The following NLRP9 variants were observed in gnomAD, a reference collection of about 807,000 sequenced individuals.
NLRP9 encodes NLR family pyrin domain containing 9.
Under a neutral mutation model 83.1 loss-of-function variants are expected in NLRP9, and 88 were observed. That is an observed-to-expected ratio of 1.06 (90% CI 0.89 to 1.26). NLRP9 has a LOEUF of 1.26. Among genes scored for constraint, NLRP9 ranks in the 50% most tolerant of loss-of-function variants. The pLI, the probability that NLRP9 is intolerant of heterozygous loss-of-function variation, is 0.00. For synonymous variants in NLRP9, 521 were observed against 447.6 expected, an observed-to-expected ratio of 1.16 and a Z score of -2.07; for missense variants, 1,308 against 1,179.3, an observed-to-expected ratio of 1.11 and a Z score of -1.60.
intron 2 of NLRP9, among the ~76,000 whole-genome samples, chr19:55,731,084 C>A (rs1368615598): frequency 6.6e-6 from 1 of 152,056 alleles, no homozygotes; most frequent in Admixed American, 6.6e-5. Context: ...GTTCTGTGAA[C>A]AAGGGTTATT....
intron 3 of NLRP9, among the ~76,000 whole-genome samples, chr19:55,725,340 A>C (rs576380636): frequency 1.3e-5 from 2 of 152,310 alleles, no homozygotes; most frequent in African/African-American, 4.8e-5. Context: ...ACGTAAGAAT[A>C]AATACATGAC....
intron 3 of NLRP9, among the ~76,000 whole-genome samples, chr19:55,727,047 G>A (rs768333699): frequency 1.3e-5 from 2 of 152,154 alleles, no homozygotes; most frequent in Non-Finnish European, 2.9e-5. Context: ...GAGGTCAGGA[G>A]TTTGAGACCA....
chr19:55,716,580 A>C, intron 5 of NLRP9, 148 bp downstream of exon 5: 1 of 636,220 alleles, frequency 1.6e-6, no homozygotes, highest in East Asian at 2.7e-5. Flanking sequence ...ACTGATGAGC[A>C]ACTGAGGCGT....
intron 1 of NLRP9, among the ~76,000 whole-genome samples, chr19:55,735,525 G>A (rs1415574666): frequency 6.6e-6 from 1 of 152,050 alleles, no homozygotes; most frequent in African/African-American, 2.4e-5. Context: ...CTTGATCTGT[G>A]TCTGTATTAC....
At chr19:55,736,853 A>T (rs76332734) in intron 1 of NLRP9, among the ~76,000 whole-genome samples, 12 of 42,338 alleles carry the variant, frequency 2.8e-4, no homozygotes, top group African/African-American at 2.3e-3. Flanking sequence ...AAACAAAAAC[A>T]AAAAAAAAAA....
intron 3 of NLRP9, among the ~76,000 whole-genome samples, chr19:55,728,095 G>T (rs1351981895): frequency 6.6e-6 from 1 of 152,160 alleles, no homozygotes; most frequent in African/African-American, 2.4e-5. Context: ...GCTCATTAAG[G>T]ATTCAATGTC....
At chr19:55,726,203 A>G (rs920398964) in intron 3 of NLRP9, among the ~76,000 whole-genome samples, 8 of 152,172 alleles carry the variant, frequency 5.3e-5, no homozygotes, top group African/African-American at 1.9e-4. Flanking sequence ...GTCAGCCAGC[A>G]GCAAACAATC....
At chr19:55,711,466 G>A in intron 8 of NLRP9, 1 of 1,315,912 alleles carries the variant, frequency 7.6e-7, no homozygotes, top group Non-Finnish European at 9.9e-7. Flanking sequence ...GCATATTTAT[G>A]GGCAACGTAA....
intron 4 of NLRP9, among the ~76,000 whole-genome samples, chr19:55,719,400 G>T (rs992061579): frequency 6.6e-6 from 1 of 152,124 alleles, no homozygotes. Context: ...TGATCTGCCC[G>T]CCTCGGCCTC....
rs148511077 is a variant in NLRP9 at position 55,711,948 on chromosome 19, G to A, written c.2695C>T (p.Arg899Cys). 17,130 of 1,613,006 alleles carry A rather than the reference G, an allele frequency of 0.011. 119 individuals are homozygous for A. Among genetic ancestry groups the A allele is most frequent in the Non-Finnish European group, 0.013 (15,398 of 1,179,906 alleles). The change falls in exon 8 of 9, where the codon CGT becomes TGT. Residue 899 changes from arginine to cysteine, a missense_variant. Arg to Cys is a radical substitution (Grantham distance 180, BLOSUM62 -3). Coordinates refer to ENST00000332836, the MANE Select transcript of NLRP9 (RefSeq NM_176820.4). ...GCGGCGATGTCGTCGCAGCAGGCACGGGTGATCGGACACGTTTGCAGCCTG... is the reference window on the plus strand; with the variant it reads ...GCGGCGATGTCGTCGCAGCAGGCACAGGTGATCGGACACGTTTGCAGCCTG... ...CLGLQTCPIT[R>C]ACCDDIAAAL...
intron 2 of NLRP9, among the ~76,000 whole-genome samples, chr19:55,731,723 CA>C (rs56358571): frequency 0.94 from 102,809 of 108,940 alleles, 48,455 homozygotes; most frequent in Middle Eastern, 0.98. Flanking sequence ...GACTCCGTCT[CA>C]AAAAAAAAAA....
chr19:55,732,811 G>C lies in NLRP9; in HGVS notation c.1020C>G (p.Cys340Trp). 6.2e-7 allele frequency: 1 copy of C among 1,614,116 alleles called. No individual in the cohort carries two copies. The highest frequency in any genetic ancestry group is 8.5e-7 in the Non-Finnish European group (1 of 1,180,018). ...LFILCHNPFT[C>W]WLVCTCVKQR... ...GTTTCACACAAGTACAGACCAACCA[G>C]CACGTAAAGGGATTATGGCACAAGA... is the stretch of plus-strand genomic sequence containing the variant. Residue 340 changes from cysteine (C) to tryptophan (W), a missense_variant, in exon 2 of 9, where the codon TGC becomes TGG. Cys to Trp is a radical substitution (Grantham distance 215). Transcript: ENST00000332836.
rs111773126 is a variant in NLRP9 at position 55,734,072 on chromosome 19, G to A, written c.281-522C>T. 7.9e-3 allele frequency among the ~76,000 whole-genome samples: 1,195 copies of A among 151,810 alleles called. 8 individuals carry two copies. The highest frequency in any genetic ancestry group is 0.027 in the African/African-American group (1,137 of 41,348). The stretch of plus-strand genomic sequence containing the variant: ...CGAGTAGCTGGGGCTACAGGCGCCC[G>A]CCACTACGCATGGTTAAGTTTTTTG... On this transcript the variant is annotated intron_variant, in intron 1 of 8. Transcript: ENST00000332836.
rs530670233 is a variant in NLRP9 at position 55,728,513 on chromosome 19, G to C, written c.1994+1318C>G. Among the ~76,000 whole-genome samples, 7 of 151,938 alleles carry C rather than the reference G, an allele frequency of 4.6e-5. No individual in the cohort carries two copies. In the East Asian group the frequency reaches 1.4e-3, roughly 29 times the overall value. ...CTTGAACCCGGGAGGTGGAGGTTGCGGTGAGCCGAGATCATTCCACTGCAC... is the reference window on the plus strand; with the variant it reads ...CTTGAACCCGGGAGGTGGAGGTTGCCGTGAGCCGAGATCATTCCACTGCAC... On this transcript the variant is annotated intron_variant, in intron 3 of 8. Coordinates refer to ENST00000332836, the MANE Select transcript of NLRP9 (RefSeq NM_176820.4).
intron 4 of NLRP9, among the ~76,000 whole-genome samples, chr19:55,722,440 C>T (rs1988257807): frequency 6.6e-6 from 1 of 152,186 alleles, no homozygotes; most frequent in Non-Finnish European, 1.5e-5. Context: ...TAAGCTCAAA[C>T]AACCCTTATG....
chr19:55,711,802 C>T lies in NLRP9; in HGVS notation c.2841G>A (p.Leu947=). The change falls in exon 8 of 9, where the codon CTG becomes CTA. Residue 947 remains leucine (L), a splice_region_variant and synonymous_variant. Coordinates refer to ENST00000332836, the MANE Select transcript of NLRP9 (RefSeq NM_176820.4). ...CAAAGGAAACAGTGTCCACTCACCC[C>T]AGCATCTGCAGGGCACAGTCCGGGT... The part of the protein sequence containing the change: ...LSHPDCALQM[L]GLHKSGFDEE... 1 of 1,612,974 alleles carries T rather than the reference C, an allele frequency of 6.2e-7. No individual in the cohort carries two copies.
intron 1 of NLRP9, chr19:55,737,573 G>A (rs1187856072): frequency 6.4e-6 from 1 of 155,874 alleles, no homozygotes; most frequent in African/African-American, 2.4e-5. Flanking sequence ...ATTGTCTTAA[G>A]ATTCTACCTA....
chr19:55,720,641 AAC>A (rs1023201177), intron 4 of NLRP9, among the ~76,000 whole-genome samples: 6 of 152,140 alleles, frequency 3.9e-5, no homozygotes, highest in African/African-American at 1.4e-4. Flanking sequence ...TGATTCCCTA[AAC>A]ACACACAAAA....
At chr19:55,721,861 T>A (rs549583310) in intron 4 of NLRP9, among the ~76,000 whole-genome samples, 1 of 152,338 alleles carries the variant, frequency 6.6e-6, no homozygotes, top group South Asian at 2.1e-4. Context: ...TCTGCCGCCA[T>A]GTGAGATGTG....
Sources: gnomAD v4.1 joint callset for allele counts (sites outside exome capture counted in the v4.1 genomes callset) on GRCh38, gnomAD v4.1.1 for gene constraint, MANE v1.5 for transcripts, NCBI Gene and HGNC (gene_info 2026-07-23, HGNC 2026-07-21) for gene names.